The following CNTLN variants were observed in gnomAD, a reference collection of about 807,000 sequenced individuals.
The protein encoded by CNTLN is centlein, centrosomal protein.
CNTLN carries 212 observed loss-of-function variants against 180.0 expected under a neutral mutation model. That is an observed-to-expected ratio of 1.18 (90% CI 1.05 to 1.32). CNTLN has a LOEUF of 1.32. CNTLN is among the 40% of genes most tolerant of loss of function. CNTLN has a pLI of 0.00. For missense variants in CNTLN, 2,095 were observed against 1,610.9 expected (o/e 1.30, Z -5.14); for synonymous variants, 722 against 563.1 (o/e 1.28, Z -3.99).
At chr9:17,393,465 G>T (rs987192014) in intron 14 of CNTLN, among the ~76,000 whole-genome samples, 1 of 151,954 alleles carries the variant, frequency 6.6e-6, no homozygotes, top group Non-Finnish European at 1.5e-5. Flanking sequence ...TTCCATACAC[G>T]TCTGAGTAAT....
intron 18 of CNTLN, among the ~76,000 whole-genome samples, chr9:17,417,122 G>A (rs540173721): frequency 6.6e-6 from 1 of 152,224 alleles, no homozygotes; most frequent in South Asian, 2.1e-4. Flanking sequence ...GGATTTTACA[G>A]GCTTGGCCAT....
At chr9:17,274,809 G>C (rs1292922482) in intron 6 of CNTLN, among the ~76,000 whole-genome samples, 2 of 151,984 alleles carry the variant, frequency 1.3e-5, no homozygotes, top group Non-Finnish European at 2.9e-5. Context: ...AGTTAGTGCT[G>C]TTTATGACGT....
intron 15 of CNTLN, among the ~76,000 whole-genome samples, chr9:17,397,608 T>C (rs1587881447): frequency 6.6e-6 from 1 of 152,200 alleles, no homozygotes; most frequent in South Asian, 2.1e-4. Flanking sequence ...CTGTATCTTG[T>C]GCCGACTTCC....
intron 2 of CNTLN, among the ~76,000 whole-genome samples, chr9:17,177,712 G>A (rs1004082766): frequency 3.3e-5 from 5 of 151,990 alleles, no homozygotes; most frequent in Non-Finnish European, 7.4e-5. Flanking sequence ...TTGTGGTCTC[G>A]ATGGCTTCAG....
At chr9:17,162,113 T>A (rs1006392137) in intron 2 of CNTLN, among the ~76,000 whole-genome samples, 1 of 152,074 alleles carries the variant, frequency 6.6e-6, no homozygotes, top group Non-Finnish European at 1.5e-5. Context: ...CTTTCTTTAT[T>A]TCTTTTTTCT....
chr9:17,184,550 G>C (rs1014270456), intron 2 of CNTLN, among the ~76,000 whole-genome samples: 1 of 152,162 alleles, frequency 6.6e-6, no homozygotes, highest in African/African-American at 2.4e-5. Flanking sequence ...GGATAGATGT[G>C]AGGTAGGAAT....
chr9:17,446,764 C>T (rs1420567533), intron 18 of CNTLN, among the ~76,000 whole-genome samples: 1 of 152,074 alleles, frequency 6.6e-6, no homozygotes, highest in Non-Finnish European at 1.5e-5. Flanking sequence ...GGCTAGTCCA[C>T]AAAGGCCTTT....
rs758938721 is a variant in CNTLN, at chr9:17,502,681, G to T, written c.*29G>T. The T allele has an allele frequency of 3.2e-5, 30 of 924,814 alleles. No individual in the cohort carries two copies. The highest frequency in any genetic ancestry group is 4.3e-5 in the Non-Finnish European group (27 of 627,544). 57.3% of individuals were successfully genotyped at this position (924,814 alleles called of 1,614,324 possible). On this transcript the variant is annotated 3_prime_UTR_variant, in exon 26 of 26. Coordinates refer to ENST00000380647, the MANE Select transcript of CNTLN (RefSeq NM_017738.4). The stretch of plus-strand genomic sequence containing the variant: ...TAAAATGGAGAGCTTTATTGCAAAT[G>T]TGAAAACTTTTTATGTGGTGTGATT...
At chr9:17,235,860 T>G in intron 4 of CNTLN, 68 bp downstream of exon 4, 8 of 1,501,004 alleles carry the variant, frequency 5.3e-6, no homozygotes, top group Non-Finnish European at 7.1e-6. Flanking sequence ...TTTGTTAGCC[T>G]TTGTGGCACA....
At chr9:17,212,970 G>T (rs1003382567) in intron 2 of CNTLN, among the ~76,000 whole-genome samples, 3 of 151,800 alleles carry the variant, frequency 2.0e-5, no homozygotes, top group African/African-American at 7.3e-5. Flanking sequence ...TCTTGCTAGC[G>T]GTCTATCAAT....
At chr9:17,485,660 A>T (rs1832854026) in intron 24 of CNTLN, among the ~76,000 whole-genome samples, 1 of 152,078 alleles carries the variant, frequency 6.6e-6, no homozygotes, top group African/African-American at 2.4e-5. Flanking sequence ...TTGCCTAGAA[A>T]TTTTAAAACA....
chr9:17,254,138 T>C (rs1280823231), intron 5 of CNTLN, among the ~76,000 whole-genome samples: 2 of 151,720 alleles, frequency 1.3e-5, no homozygotes, highest in Non-Finnish European at 3.0e-5. Context: ...GTTGAACATA[T>C]TTGTATTATG....
intron 18 of CNTLN, among the ~76,000 whole-genome samples, chr9:17,435,162 G>C (rs1177709542): frequency 6.6e-6 from 1 of 152,088 alleles, no homozygotes; most frequent in African/African-American, 2.4e-5. Flanking sequence ...TTTCTGCCCT[G>C]CTTTACCTCG....
At chr9:17,163,120 T>C (rs1363249485) in intron 2 of CNTLN, among the ~76,000 whole-genome samples, 1 of 152,198 alleles carries the variant, frequency 6.6e-6, no homozygotes, top group Non-Finnish European at 1.5e-5. Context: ...TGGAACTCGC[T>C]TTTATAAAAC....
At chr9:17,257,786 T>C (rs935424033) in intron 5 of CNTLN, among the ~76,000 whole-genome samples, 1 of 150,598 alleles carries the variant, frequency 6.6e-6, no homozygotes, top group African/African-American at 2.5e-5. Flanking sequence ...TTTTGAGAAG[T>C]GTCTGTTCAT....
chr9:17,278,627 T>C (rs940844718), intron 6 of CNTLN, among the ~76,000 whole-genome samples: 3 of 152,220 alleles, frequency 2.0e-5, no homozygotes, highest in African/African-American at 7.2e-5. Context: ...AGTTTTACTG[T>C]ACAGCTTTTT....
chr9:17,215,093 C>G (rs1054979975), intron 2 of CNTLN, among the ~76,000 whole-genome samples: 4 of 152,188 alleles, frequency 2.6e-5, no homozygotes, highest in Admixed American at 2.6e-4. Flanking sequence ...CCGTTGCTGG[C>G]GAGGAGCTGC....
chr9:17,443,850 A>C (rs188124627), intron 18 of CNTLN, among the ~76,000 whole-genome samples: 2 of 152,284 alleles, frequency 1.3e-5, no homozygotes, highest in East Asian at 3.9e-4. Context: ...AAGGAGATCC[A>C]AAAGAACTGT....
At chr9:17,377,488 C>T (rs1824872942) in intron 13 of CNTLN, among the ~76,000 whole-genome samples, 1 of 152,114 alleles carries the variant, frequency 6.6e-6, no homozygotes, top group African/African-American at 2.4e-5. Flanking sequence ...TTGCAGTGAG[C>T]CAAGATTGCG....
Sources: gnomAD v4.1 joint callset for allele counts (sites outside exome capture counted in the v4.1 genomes callset) on GRCh38, gnomAD v4.1.1 for gene constraint, MANE v1.5 for transcripts, NCBI Gene and HGNC (gene_info 2026-07-23, HGNC 2026-07-21) for gene names.